Variants in ATP2B1 observed in about 807,000 individuals in gnomAD.
ATP2B1 encodes plasma membrane calcium-transporting ATPase 1.
In ATP2B1, 14 loss-of-function variants were observed where a neutral mutation model predicts 124.2. The ratio of observed to expected loss-of-function variants is 0.11; its 90% CI spans 0.07 to 0.18. The LOEUF is 0.18. ATP2B1 is among the 10% of genes least tolerant of loss of function. The pLI is 1.00. For missense variants in ATP2B1, 763 were observed against 1,466.1 expected (o/e 0.52, Z 7.83); for synonymous variants, 449 against 492.4 (o/e 0.91, Z 1.17).
intron 1 of ATP2B1, among the ~76,000 whole-genome samples, chr12:89,659,091 A>G (rs920999983): frequency 6.6e-6 from 1 of 152,218 alleles, no homozygotes; most frequent in African/African-American, 2.4e-5. Flanking sequence ...CTTGTTAGCT[A>G]CAACATGACA....
At chr12:89,708,564 C>T (rs1892808426) in intron 1 of ATP2B1, 32 bp downstream of exon 1, 1 of 151,748 alleles carries the variant, frequency 6.6e-6, no homozygotes, top group South Asian at 2.1e-4. Context: ...CCCGCCGCCC[C>T]CGGCCGCGGG....
chr12:89,639,171 C>G (rs12303603), intron 3 of ATP2B1, among the ~76,000 whole-genome samples: 1,721 of 152,106 alleles, frequency 0.011, 29 homozygotes, highest in African/African-American at 0.039. Flanking sequence ...TGAGATGTAA[C>G]GAGACAAAAA....
chr12:89,688,322 T>C (rs1890181547), intron 1 of ATP2B1, among the ~76,000 whole-genome samples: 1 of 152,138 alleles, frequency 6.6e-6, no homozygotes, highest in African/African-American at 2.4e-5. Context: ...AACTATTAAC[T>C]GCACAAATGT....
At chr12:89,705,950 T>A (rs1021486339) in intron 1 of ATP2B1, among the ~76,000 whole-genome samples, 2 of 152,212 alleles carry the variant, frequency 1.3e-5, no homozygotes, top group Non-Finnish European at 2.9e-5. Context: ...TAAGTAAGAC[T>A]ATATGTAATA....
chr12:89,684,237 CTG>C (rs1157380156), intron 1 of ATP2B1, among the ~76,000 whole-genome samples: 10 of 152,194 alleles, frequency 6.6e-5, no homozygotes, highest in Admixed American at 4.6e-4. Flanking sequence ...AAAGGACTGA[CTG>C]TACATTTTTT....
Position 89,589,866 on chromosome 12 carries a change from A to T in ATP2B1, c.*1118T>A, listed in dbSNP as rs1355315681. On this transcript the variant is annotated 3_prime_UTR_variant, in exon 21 of 21. Coordinates refer to ENST00000428670, the MANE Select transcript of ATP2B1 (RefSeq NM_001366521.1). ...AACAAGTTTCAAAAACAAAAGGAAA[A>T]CATGTATGCTTCTACTTATTAACCT... 1 of 152,500 alleles carries T rather than the reference A, an allele frequency of 6.6e-6. No individual in the cohort carries two copies. Among genetic ancestry groups the T allele is most frequent in the Non-Finnish European group, 1.5e-5 (1 of 67,998 alleles). 9.4% of individuals were successfully genotyped at this position (152,500 alleles called of 1,614,324 possible).
chr12:89,642,052 C>T, intron 3 of ATP2B1, 106 bp downstream of exon 3: 1 of 1,125,670 alleles, frequency 8.9e-7, no homozygotes, highest in Non-Finnish European at 1.3e-6. Flanking sequence ...GTGCCTAGCA[C>T]ATAGCAAACA....
At chr12:89,691,969 A>G (rs1217640974) in intron 1 of ATP2B1, among the ~76,000 whole-genome samples, 1 of 152,180 alleles carries the variant, frequency 6.6e-6, no homozygotes, top group East Asian at 1.9e-4. Context: ...AGAATTTTCA[A>G]ACTAAGAAAG....
chr12:89,662,059 G>C (rs1227820072), intron 1 of ATP2B1, among the ~76,000 whole-genome samples: 1 of 151,572 alleles, frequency 6.6e-6, no homozygotes, highest in Non-Finnish European at 1.5e-5. Context: ...ACACTGAAAA[G>C]TTATTTAAAG....
chr12:89,636,041 TA>T (rs570083810), intron 3 of ATP2B1, among the ~76,000 whole-genome samples: 17 of 151,910 alleles, frequency 1.1e-4, no homozygotes, highest in Non-Finnish European at 2.1e-4. Context: ...GATGTGCTAT[TA>T]AATGAAAAAA....
intron 3 of ATP2B1, among the ~76,000 whole-genome samples, chr12:89,641,403 G>C (rs1298685502): frequency 6.6e-6 from 1 of 152,118 alleles, no homozygotes; most frequent in Non-Finnish European, 1.5e-5. Flanking sequence ...TTTCAGATTT[G>C]GGAATATGTG....
At chr12:89,598,912 A>C (rs189067131) in intron 20 of ATP2B1, among the ~76,000 whole-genome samples, 106 of 152,324 alleles carry the variant, frequency 7.0e-4, no homozygotes, top group African/African-American at 2.6e-3. Context: ...CTAGGAAAAA[A>C]GGAGCTTAGG....
chr12:89,677,786 T>C (rs927038400), intron 1 of ATP2B1, among the ~76,000 whole-genome samples: 1 of 151,844 alleles, frequency 6.6e-6, no homozygotes, highest in Non-Finnish European at 1.5e-5. Context: ...TTAAATTATA[T>C]GTTCATCCTT....
chr12:89,634,062 A>G (rs1162547707), intron 5 of ATP2B1, among the ~76,000 whole-genome samples: 1 of 152,074 alleles, frequency 6.6e-6, no homozygotes, highest in Non-Finnish European at 1.5e-5. Context: ...TCCATTTCAT[A>G]TTTACTTAGT....
upstream of ATP2B1, chr12:89,709,295 T>TGCCACAGCC (rs1443690476): frequency 5.9e-5 from 9 of 152,272 alleles, no homozygotes; most frequent in African/African-American, 1.9e-4. Context: ...CTGCTCCCGC[T>TGCCACAGCC]GCCACAGCCG....
chr12:89,588,856 T>TA lies in ATP2B1; in HGVS notation c.*2127dup, dbSNP rs1873068249. On this transcript the variant is annotated 3_prime_UTR_variant, in exon 21 of 21. Transcript: ENST00000428670. ...AAACATTTCCCTTTTCTCTATTCCC[T>TA]ATGCCTTGTGGGCTCTCCAGTTGAT... is the stretch of plus-strand genomic sequence containing the variant. 1 of 152,626 alleles carries TA rather than the reference T, an allele frequency of 6.6e-6. No individual in the cohort carries two copies. The highest frequency in any genetic ancestry group is 1.5e-5 in the Non-Finnish European group (1 of 68,018). 9.5% of individuals were successfully genotyped at this position (152,626 alleles called of 1,614,324 possible).
rs199899576 is a variant in ATP2B1 at position 89,655,881 on chromosome 12, G to A, written c.6C>T (p.Gly2=). The change falls in exon 2 of 21, where the codon GGC becomes GGT. Residue 2 remains glycine, a synonymous_variant. Transcript: ENST00000428670. M[G]DMANNSVAYS... ...AAGCAACTGAGTTGTTTGCCATGTC[G>A]CCCATTACAAGTATAATATATCAGA... 1.6e-4 allele frequency: 259 copies of A among 1,588,598 alleles called. No homozygotes were observed. The highest frequency in any genetic ancestry group is 2.1e-4 in the Non-Finnish European group (244 of 1,165,200).
intron 10 of ATP2B1, among the ~76,000 whole-genome samples, chr12:89,621,199 A>T (rs939655053): frequency 1.4e-4 from 22 of 152,074 alleles, no homozygotes; most frequent in Non-Finnish European, 2.9e-4. Context: ...CGGCTTAAAA[A>T]TTTTCTGTAA....
intron 1 of ATP2B1, among the ~76,000 whole-genome samples, chr12:89,680,302 T>A (rs1889173349): frequency 6.6e-6 from 1 of 152,062 alleles, no homozygotes; most frequent in Non-Finnish European, 1.5e-5. Context: ...CAAGCAAGTA[T>A]TTGCAGATAT....
Sources: gnomAD v4.1 joint callset for allele counts (sites outside exome capture counted in the v4.1 genomes callset) on GRCh38, gnomAD v4.1.1 for gene constraint, MANE v1.5 for transcripts, NCBI Gene and HGNC (gene_info 2026-07-23, HGNC 2026-07-21) for gene names.